KCNB2: variants seen among roughly 807,000 people sequenced by gnomAD.
KCNB2 encodes the protein potassium voltage-gated channel subfamily B member 2.
In KCNB2, 15 loss-of-function variants were observed where a neutral mutation model predicts 61.5. The observed-to-expected ratio is 0.24, with a 90% confidence interval of 0.16 to 0.38. The LOEUF is 0.38. Ranked by LOEUF, KCNB2 falls within the 10% of genes least tolerant of loss-of-function variation. The pLI is 1.00. For missense variants in KCNB2, 828 were observed against 1,125.2 expected (o/e 0.74, Z 3.78); for synonymous variants, 457 against 446.0 (o/e 1.02, Z -0.31).
At chr8:72,671,720 C>T (rs73307807) in intron 2 of KCNB2, among the ~76,000 whole-genome samples, 4,527 of 152,224 alleles carry the variant, frequency 0.03, 87 homozygotes, top group South Asian at 0.074. Context: ...AGCTTAGCCA[C>T]ATGGATTGCC....
intron 1 of KCNB2, among the ~76,000 whole-genome samples, chr8:72,555,232 T>C (rs1050484375): frequency 6.6e-6 from 1 of 151,868 alleles, no homozygotes; most frequent in Non-Finnish European, 1.5e-5. Flanking sequence ...TAATGAGAAT[T>C]CTCACCATGC....
At chr8:72,615,478 T>C (rs1325443433) in intron 2 of KCNB2, among the ~76,000 whole-genome samples, 3 of 152,192 alleles carry the variant, frequency 2.0e-5, no homozygotes, top group African/African-American at 7.2e-5. Context: ...TTCAAGGTTT[T>C]GCCCCATAAA....
chr8:72,682,773 T>C (rs1049417361), intron 2 of KCNB2, among the ~76,000 whole-genome samples: 3 of 152,128 alleles, frequency 2.0e-5, no homozygotes, highest in African/African-American at 7.2e-5. Flanking sequence ...TTTATTTTTT[T>C]GTTGTTTTGT....
chr8:72,818,187 A>G (rs1284707718), intron 2 of KCNB2, among the ~76,000 whole-genome samples: 1 of 152,128 alleles, frequency 6.6e-6, no homozygotes, highest in Non-Finnish European at 1.5e-5. Flanking sequence ...CAACAACAAA[A>G]TCTTTAAAGA....
chr8:72,798,869 C>CT (rs983300458), intron 2 of KCNB2, among the ~76,000 whole-genome samples: 3 of 152,144 alleles, frequency 2.0e-5, no homozygotes, highest in African/African-American at 7.2e-5. Flanking sequence ...TACCAGATAA[C>CT]TATCTGGTGG....
At position 72,937,990 on chromosome 8, in the gene KCNB2, A is replaced by G; in HGVS notation, c.2635A>G (p.Ser879Gly). The part of the protein sequence containing the change: ...HAVSEVKKDS[S>G]QEGCKMENHL... The stretch of plus-strand genomic sequence containing the variant: ...TGTGAGTGAAGTCAAAAAGGACAGT[A>G]GTCAAGAAGGGTGCAAGATGGAAAA... The change falls in exon 3 of 3, where the codon AGT becomes GGT. Residue 879 changes from serine (S) to glycine (G), a missense_variant. Ser to Gly is a moderately conservative substitution (Grantham distance 56). Around this residue, in one of 4 missense-constraint regions of KCNB2, gnomAD observed 559 missense variants for 588.4 expected, o/e 0.95. Coordinates refer to ENST00000523207, the MANE Select transcript of KCNB2 (RefSeq NM_004770.3). 1 of 1,614,164 alleles carries G rather than the reference A, an allele frequency of 6.2e-7. No homozygotes were observed. The highest frequency in any genetic ancestry group is 2.2e-5 in the East Asian group (1 of 44,878).
chr8:72,860,813 G>C (rs546614843), intron 2 of KCNB2, among the ~76,000 whole-genome samples: 48 of 152,296 alleles, frequency 3.2e-4, no homozygotes, highest in Middle Eastern at 6.8e-3. Flanking sequence ...TCAAATGCAT[G>C]ATGCATCTTC....
At chr8:72,834,870 C>T (rs1563398914) in intron 2 of KCNB2, among the ~76,000 whole-genome samples, 5 of 152,140 alleles carry the variant, frequency 3.3e-5, no homozygotes, top group African/African-American at 4.8e-5. Context: ...TATATAGTAT[C>T]GCCTTCTTGT....
At chr8:72,824,219 C>T (rs1809559364) in intron 2 of KCNB2, among the ~76,000 whole-genome samples, 1 of 152,076 alleles carries the variant, frequency 6.6e-6, no homozygotes, top group Non-Finnish European at 1.5e-5. Context: ...CTTCATGCCA[C>T]CCCCTTCCTG....
intron 2 of KCNB2, among the ~76,000 whole-genome samples, chr8:72,870,650 A>G (rs1176576898): frequency 6.6e-6 from 1 of 152,224 alleles, no homozygotes; most frequent in Admixed American, 6.5e-5. Context: ...TGGCTTCCCC[A>G]TAAGTTGTAA....
chr8:72,935,623 G>A (rs1806883658), intron 2 of KCNB2, among the ~76,000 whole-genome samples: 1 of 152,122 alleles, frequency 6.6e-6, no homozygotes, highest in Non-Finnish European at 1.5e-5. Context: ...AGATAACTAA[G>A]AGAGGAGAGA....
intron 2 of KCNB2, among the ~76,000 whole-genome samples, chr8:72,808,651 T>A (rs980977682): frequency 8.5e-5 from 13 of 152,198 alleles, no homozygotes; most frequent in Non-Finnish European, 1.8e-4. Flanking sequence ...TGCGGACATT[T>A]TTCTAATACC....
intron 2 of KCNB2, among the ~76,000 whole-genome samples, chr8:72,584,473 G>C (rs1806965076): frequency 6.6e-6 from 1 of 151,912 alleles, no homozygotes; most frequent in Non-Finnish European, 1.5e-5. Context: ...TTATGGAACA[G>C]AGAAAAAAAC....
intron 2 of KCNB2, among the ~76,000 whole-genome samples, chr8:72,826,522 G>A (rs1263867026): frequency 2.0e-5 from 3 of 152,236 alleles, no homozygotes; most frequent in East Asian, 1.9e-4. Context: ...CGTACCTCAC[G>A]GAGGAAAGAA....
intron 2 of KCNB2, among the ~76,000 whole-genome samples, chr8:72,664,972 A>G (rs887958757): frequency 9.9e-5 from 15 of 152,176 alleles, no homozygotes; most frequent in Non-Finnish European, 7.3e-5. Context: ...AAAAAGAGCC[A>G]GAGAGACTGC....
rs1211440187 is a variant in KCNB2 at position 72,859,706 on chromosome 8, CGTTTTTT to C, written c.580-76228_580-76222del. On this transcript the variant is annotated intron_variant, in intron 2 of 2. Transcript: ENST00000523207. ...TGTAGCATGGATCAGTACTTCATTT[CGTTTTTT>C]TTTTTTTTTTTTTTTTTTTTTTTGA... is the stretch of plus-strand genomic sequence containing the variant. Among the ~76,000 whole-genome samples the C allele has an allele frequency of 1.6e-4, 12 of 73,446 alleles. No homozygotes were observed. In the Admixed American group the frequency reaches 2.0e-3, roughly 12 times the overall value. 48.2% of individuals were successfully genotyped at this position (73,446 alleles called of 152,430 possible).
chr8:72,568,642 A>G (rs986657002), intron 2 of KCNB2, among the ~76,000 whole-genome samples: 1 of 152,192 alleles, frequency 6.6e-6, no homozygotes, highest in Non-Finnish European at 1.5e-5. Context: ...CAGACCCATC[A>G]GGCACTGAGT....
At chr8:72,765,132 G>A (rs755978197) in intron 2 of KCNB2, among the ~76,000 whole-genome samples, 1 of 152,146 alleles carries the variant, frequency 6.6e-6, no homozygotes, top group Non-Finnish European at 1.5e-5. Context: ...CTACACTGCA[G>A]GAAATGATGC....
chr8:72,584,422 C>T (rs1806964559), intron 2 of KCNB2, among the ~76,000 whole-genome samples: 1 of 151,886 alleles, frequency 6.6e-6, no homozygotes, highest in South Asian at 2.1e-4. Context: ...AGGGCTGGTT[C>T]CATTTAAATG....
Sources: gnomAD v4.1 joint callset for allele counts (sites outside exome capture counted in the v4.1 genomes callset) on GRCh38, gnomAD v4.1.1 for gene constraint, gnomAD v4.1.1 regional missense constraint, MANE v1.5 for transcripts, NCBI Gene and HGNC (gene_info 2026-07-23, HGNC 2026-07-21) for gene names.